RAPGEF1: variants seen among roughly 807,000 people sequenced by gnomAD.
RAPGEF1 encodes the protein Rap guanine nucleotide exchange factor 1, also known as CRK SH3-binding GNRP.
RAPGEF1 carries 33 observed loss-of-function variants against 143.3 expected under a neutral mutation model. The observed-to-expected ratio is 0.23, with a 90% confidence interval of 0.17 to 0.31. The LOEUF (loss-of-function observed/expected upper bound fraction) is 0.31, where lower values mean the gene tolerates loss of function less well. RAPGEF1 is among the 10% of genes least tolerant of loss of function. The pLI is 1.00. For missense variants in RAPGEF1, 1,199 were observed against 1,645.4 expected, an observed-to-expected ratio of 0.73 and a Z score of 4.69; for synonymous variants, 629 against 676.5, an observed-to-expected ratio of 0.93 and a Z score of 1.09.
chr9:131,602,197 G>A, intron 14 of RAPGEF1, 48 bp from the exon 15 acceptor site: 1 of 1,407,780 alleles, frequency 7.1e-7, no homozygotes, highest in Non-Finnish European at 9.8e-7. Context: ...CCCTCTGCGG[G>A]GCTGCTCTGT....
At chr9:131,736,057 G>A (rs931584568) in intron 1 of RAPGEF1, among the ~76,000 whole-genome samples, 1 of 152,124 alleles carries the variant, frequency 6.6e-6, no homozygotes, top group East Asian at 1.9e-4. Context: ...TGAGCAAAAA[G>A]AACCACAGTA....
Position 131,650,029 on chromosome 9 carries a change from A to T in RAPGEF1, c.315+100T>A, listed in dbSNP as rs1337087623. The T allele has an allele frequency of 1.1e-6, 1 of 941,536 alleles. No individual in the cohort carries two copies. The highest frequency in any genetic ancestry group is 1.6e-6 in the Non-Finnish European group (1 of 623,408). 58.3% of individuals were successfully genotyped at this position (941,536 alleles called of 1,614,324 possible). On this transcript the variant is annotated intron_variant, in intron 3 of 26. Coordinates refer to ENST00000683357, the MANE Select transcript of RAPGEF1 (RefSeq NM_001377935.1). The surrounding 1 kb of genome is among the most constrained non-coding windows in gnomAD (Gnocchi z 4.7). ...CCACGGTCACCACCCAGTTGAACAT[A>T]ATAATAGTGCAATAGAGTTTTTTCC...
At chr9:131,718,493 C>T (rs983195553) in intron 1 of RAPGEF1, among the ~76,000 whole-genome samples, 9 of 152,206 alleles carry the variant, frequency 5.9e-5, no homozygotes, top group South Asian at 4.1e-4. Context: ...CAGGGAGAAA[C>T]GGCGGTGGCC....
intron 1 of RAPGEF1, among the ~76,000 whole-genome samples, chr9:131,687,167 A>G (rs1238538630): frequency 6.6e-6 from 1 of 152,160 alleles, no homozygotes; most frequent in Non-Finnish European, 1.5e-5. Flanking sequence ...GGCCAATCAA[A>G]TAACTTGCAT....
chr9:131,630,461 C>T, intron 5 of RAPGEF1, 137 bp from the exon 6 acceptor site: 1 of 778,726 alleles, frequency 1.3e-6, no homozygotes, highest in Non-Finnish European at 2.1e-6. Flanking sequence ...ACCATAAACG[C>T]AAGTATCACT....
rs1250638471 is a variant in RAPGEF1 at position 131,628,066 on chromosome 9, G to A, written c.1048C>T (p.Arg350Ter). ...DFDVDCYAQR[R>*]LSGGSHSYGG... ...TATGAGTGGCTGCCTCCTGACAGTC[G>A]CCTCTGTGCGTAACAGTCAACATCA... Residue 350 changes from arginine to a stop codon, truncating the protein, a stop_gained, in exon 9 of 27, where the codon CGA (arginine) becomes TGA (stop). Coordinates refer to ENST00000683357, the MANE Select transcript of RAPGEF1 (RefSeq NM_001377935.1). LOFTEE classifies it high-confidence loss of function. This position sits in a 1 kb window ranked among gnomAD's most constrained non-coding sequence, Gnocchi z 5.7. The A allele has an allele frequency of 6.4e-7, 1 of 1,569,192 alleles. No homozygotes were observed. Among genetic ancestry groups the A allele is most frequent in the Non-Finnish European group, 8.6e-7 (1 of 1,157,934 alleles).
At chr9:131,596,191 A>T in intron 17 of RAPGEF1, 107 bp downstream of exon 17, 1 of 1,033,088 alleles carries the variant, frequency 9.7e-7, no homozygotes, top group Non-Finnish European at 1.5e-6. Context: ...TGCTGATCAG[A>T]CCTGCTCAGG....
At chr9:131,587,900 G>A (rs756261682) in intron 21 of RAPGEF1, 42 bp downstream of exon 21, 1 of 1,583,968 alleles carries the variant, frequency 6.3e-7, no homozygotes, top group African/African-American at 1.4e-5. Flanking sequence ...CTCTCATTCA[G>A]GGACAAACAG....
intron 9 of RAPGEF1, among the ~76,000 whole-genome samples, chr9:131,627,557 A>T (rs1963612392): frequency 6.6e-6 from 1 of 152,176 alleles, no homozygotes; most frequent in Admixed American, 6.5e-5. Context: ...CCTCCCCTTC[A>T]GCCTCTGTCA....
intron 12 of RAPGEF1, among the ~76,000 whole-genome samples, chr9:131,605,852 T>C (rs1382222555): frequency 3.3e-5 from 5 of 152,064 alleles, no homozygotes; most frequent in South Asian, 4.2e-4. Flanking sequence ...GGCAGGTGGA[T>C]TGCTTGAGCC....
intron 1 of RAPGEF1, among the ~76,000 whole-genome samples, chr9:131,734,105 T>G (rs564439661): frequency 6.6e-6 from 1 of 152,278 alleles, no homozygotes; most frequent in African/African-American, 2.4e-5. Flanking sequence ...TGGTAGATCT[T>G]TTTTTTCAAA....
At chr9:131,716,852 C>CA (rs1835898894) in intron 1 of RAPGEF1, among the ~76,000 whole-genome samples, 3 of 152,318 alleles carry the variant, frequency 2.0e-5, no homozygotes, top group Middle Eastern at 3.4e-3. Context: ...GATTGGCATT[C>CA]AAGGCCTTTT....
chr9:131,625,975 G>A lies in RAPGEF1; in HGVS notation c.1649C>T (p.Ser550Leu), dbSNP rs201432710. The change falls in exon 10 of 27, where the codon TCA becomes TTA. Residue 550 changes from serine to leucine, a missense_variant. By Grantham distance (145) the Ser-to-Leu change is moderately radical (BLOSUM62 -2). Around this residue, in one of 6 missense-constraint regions of RAPGEF1, gnomAD observed 613 missense variants for 710.9 expected, o/e 0.86. Coordinates refer to ENST00000683357, the MANE Select transcript of RAPGEF1 (RefSeq NM_001377935.1). ...EFVGDFTAPE[S>L]TGDPEKPPPL... is the part of the protein sequence containing the mutation. ...AGGTGGTTTTTCTGGGTCACCGGTT[G>A]ACTCAGGAGCAGTAAAATCACCCAC... The A allele has an allele frequency of 2.5e-6, 4 of 1,598,888 alleles. No homozygotes were observed. Among genetic ancestry groups the A allele is most frequent in the Admixed American group, 3.4e-5 (2 of 59,644 alleles).
At chr9:131,703,588 T>G (rs1005846108) in intron 1 of RAPGEF1, among the ~76,000 whole-genome samples, 1 of 152,120 alleles carries the variant, frequency 6.6e-6, no homozygotes, top group Admixed American at 6.5e-5. Flanking sequence ...ATTAAGTAAC[T>G]TGCTGAAGGA....
chr9:131,632,924 T>C (rs1424135337), intron 5 of RAPGEF1, among the ~76,000 whole-genome samples: 2 of 152,098 alleles, frequency 1.3e-5, no homozygotes, highest in African/African-American at 4.8e-5. Context: ...TAAATGCATA[T>C]ATCAAACTCT....
At chr9:131,657,772 A>G (rs6597516) in intron 1 of RAPGEF1, among the ~76,000 whole-genome samples, 132,485 of 152,230 alleles carry the variant, frequency 0.87, 57,915 homozygotes, top group African/African-American at 0.95. Context: ...GTGCTCCTCT[A>G]CAGCCACATC....
chr9:131,720,323 T>C (rs1177978560), intron 1 of RAPGEF1, among the ~76,000 whole-genome samples: 2 of 152,086 alleles, frequency 1.3e-5, no homozygotes, highest in African/African-American at 2.4e-5. Flanking sequence ...TCATCATCAT[T>C]ATTATTATAA....
intron 5 of RAPGEF1, among the ~76,000 whole-genome samples, chr9:131,637,216 T>C (rs1322029879): frequency 2.0e-5 from 3 of 150,456 alleles, no homozygotes. Context: ...CAGAGTGACA[T>C]TCCGTCTCAG....
intron 12 of RAPGEF1, among the ~76,000 whole-genome samples, chr9:131,616,441 C>T (rs965071001): frequency 3.3e-5 from 5 of 152,154 alleles, no homozygotes; most frequent in African/African-American, 7.2e-5. Flanking sequence ...TTTTGCAACC[C>T]GGCCTGGAAA....
Sources: gnomAD v4.1 joint callset for allele counts (sites outside exome capture counted in the v4.1 genomes callset) on GRCh38, gnomAD v4.1.1 for gene constraint, gnomAD v4.1.1 regional missense constraint, Gnocchi (gnomAD v3.1) non-coding constraint, MANE v1.5 for transcripts, NCBI Gene and HGNC (gene_info 2026-07-23, HGNC 2026-07-21) for gene names.